Variants in GPC3 observed in about 807,000 individuals in gnomAD.
GPC3 encodes glypican-3.
Under a neutral mutation model 34.4 loss-of-function variants are expected in GPC3, and 3 were observed. The ratio of observed to expected loss-of-function variants is 0.09; its 90% CI spans 0.04 to 0.23. GPC3 has a LOEUF of 0.23. GPC3 is among the 10% of genes least tolerant of loss of function. The pLI is 1.00. For missense variants in GPC3, 351 were observed against 445.6 expected, an observed-to-expected ratio of 0.79 and a Z score of 1.91; for synonymous variants, 177 against 174.0, an observed-to-expected ratio of 1.02 and a Z score of -0.13.
intron 6 of GPC3, among the ~76,000 whole-genome samples, chrX:133,651,054 A>C (rs1603210592): frequency 8.9e-6 from 1 of 112,028 alleles, no homozygotes; most frequent in East Asian, 2.8e-4. Context: ...TCAGTCACAT[A>C]CCAGTGATGC....
chrX:133,862,582 C>T (rs1278774879), intron 2 of GPC3, among the ~76,000 whole-genome samples: 2 of 108,887 alleles, frequency 1.8e-5, no homozygotes, highest in East Asian at 2.9e-4. Context: ...CCCAGCTATT[C>T]GGCAGGCTGA....
At chrX:133,889,585 T>C (rs1044474888) in intron 2 of GPC3, among the ~76,000 whole-genome samples, 2 of 111,711 alleles carry the variant, frequency 1.8e-5, no homozygotes, top group Non-Finnish European at 3.8e-5. Context: ...CATAATCCCA[T>C]ACATTCCCTT....
chrX:133,626,949 A>G (rs1417188819), intron 6 of GPC3, among the ~76,000 whole-genome samples: 2 of 108,755 alleles, frequency 1.8e-5, no homozygotes. Flanking sequence ...GATTAAGAAA[A>G]TGTGGCACAT....
chrX:133,723,065 T>C (rs1326770530), intron 3 of GPC3, among the ~76,000 whole-genome samples: 2 of 97,927 alleles, frequency 2.0e-5, no homozygotes, highest in East Asian at 8.7e-4. Flanking sequence ...CACTTAGAAT[T>C]GACTTCTCTC....
intron 3 of GPC3, among the ~76,000 whole-genome samples, chrX:133,700,392 C>A (rs963227045): frequency 8.9e-6 from 1 of 111,827 alleles, no homozygotes; most frequent in Admixed American, 9.5e-5. Flanking sequence ...AAGGGAATTG[C>A]AAAATTTAGG....
intron 2 of GPC3, among the ~76,000 whole-genome samples, chrX:133,767,750 C>T (rs2071865059): frequency 9.0e-6 from 1 of 110,971 alleles, no homozygotes; most frequent in Non-Finnish European, 1.9e-5. Flanking sequence ...GGGACTCCAG[C>T]CAAATTCAAT....
chrX:133,839,238 C>T (rs1450916317), intron 2 of GPC3, among the ~76,000 whole-genome samples: 2 of 111,786 alleles, frequency 1.8e-5, no homozygotes, highest in South Asian at 3.8e-4. Context: ...TAGTGTTTTT[C>T]ATCTCCTAGC....
At position 133,772,175 on chromosome X, in the gene GPC3, G is replaced by A. The variant is rs12393825; in HGVS notation, c.338-17999C>T. ...ACTAAAGAAAAGTTTGCCTGCCATCGCTCAATGCTTGTTAGAGTAAAACTA... is the reference window on the plus strand; with the variant it reads ...ACTAAAGAAAAGTTTGCCTGCCATCACTCAATGCTTGTTAGAGTAAAACTA... On this transcript the variant is annotated intron_variant, in intron 2 of 7. Coordinates refer to ENST00000370818, the MANE Select transcript of GPC3 (RefSeq NM_004484.4). Among the ~76,000 whole-genome samples, 782 of 111,752 alleles carry A rather than the reference G, an allele frequency of 7.0e-3. 9 individuals carry two copies. Among genetic ancestry groups the A allele is most frequent in the African/African-American group, 0.025 (759 of 30,760 alleles).
intron 2 of GPC3, among the ~76,000 whole-genome samples, chrX:133,950,033 C>G (rs1248010504): frequency 9.0e-6 from 1 of 111,429 alleles, no homozygotes; most frequent in Non-Finnish European, 1.9e-5. Flanking sequence ...TAAATCTTCA[C>G]TATTGTTATC....
intron 2 of GPC3, among the ~76,000 whole-genome samples, chrX:133,819,046 GGTTA>G (rs1199057903): frequency 9.3e-6 from 1 of 107,016 alleles, no homozygotes; most frequent in Admixed American, 1.0e-4. Flanking sequence ...GCAATGTGCA[GGTTA>G]GTTACATATG....
At chrX:133,930,826 C>T (rs890590833) in intron 2 of GPC3, among the ~76,000 whole-genome samples, 3 of 111,352 alleles carry the variant, frequency 2.7e-5, no homozygotes, top group Non-Finnish European at 5.7e-5. Flanking sequence ...TTAGTAGAGA[C>T]GGGGTTTCAC....
intron 6 of GPC3, among the ~76,000 whole-genome samples, chrX:133,655,580 C>G (rs2070654336): frequency 9.0e-6 from 1 of 111,062 alleles, no homozygotes; most frequent in Non-Finnish European, 1.9e-5. Flanking sequence ...TGCCATGTCA[C>G]TTGTGAACAA....
chrX:133,720,980 C>T (rs2071359468), intron 3 of GPC3, among the ~76,000 whole-genome samples: 1 of 109,799 alleles, frequency 9.1e-6, no homozygotes, highest in African/African-American at 3.3e-5. Context: ...CACAAATCAT[C>T]ATTAAAGAAC....
chrX:133,836,987 A>C (rs1447259114), intron 2 of GPC3, among the ~76,000 whole-genome samples: 2 of 111,746 alleles, frequency 1.8e-5, no homozygotes, highest in Non-Finnish European at 3.8e-5. Flanking sequence ...ACAGTGTCTT[A>C]CTCTGCGGGG....
intron 2 of GPC3, among the ~76,000 whole-genome samples, chrX:133,823,449 A>C (rs1414744793): frequency 1.8e-5 from 2 of 111,600 alleles, no homozygotes; most frequent in Non-Finnish European, 3.8e-5. Flanking sequence ...TATCAGAAGG[A>C]AAATCTGAAA....
At chrX:133,575,779 A>T (rs1348308830) in intron 7 of GPC3, among the ~76,000 whole-genome samples, 1 of 112,075 alleles carries the variant, frequency 8.9e-6, no homozygotes, top group Non-Finnish European at 1.9e-5. Context: ...TACAGCACAG[A>T]GGAGTAGACC....
intron 2 of GPC3, among the ~76,000 whole-genome samples, chrX:133,793,951 G>A (rs1293824501): frequency 9.0e-6 from 1 of 111,420 alleles, no homozygotes; most frequent in Non-Finnish European, 1.9e-5. Flanking sequence ...TGATAGTGCC[G>A]GCAAATGTAT....
intron 2 of GPC3, among the ~76,000 whole-genome samples, chrX:133,786,352 A>C (rs2072100972): frequency 8.9e-6 from 1 of 112,321 alleles, no homozygotes; most frequent in African/African-American, 3.2e-5. Context: ...CCGAGATAGC[A>C]CCATTGCACT....
chrX:133,639,700 A>G (rs919292221), intron 6 of GPC3, among the ~76,000 whole-genome samples: 1 of 111,661 alleles, frequency 9.0e-6, no homozygotes, highest in Non-Finnish European at 1.9e-5. Context: ...AAAAAAAATC[A>G]AATCACTGAC....
Sources: gnomAD v4.1 joint callset for allele counts (sites outside exome capture counted in the v4.1 genomes callset) on GRCh38, gnomAD v4.1.1 for gene constraint, MANE v1.5 for transcripts, NCBI Gene and HGNC (gene_info 2026-07-23, HGNC 2026-07-21) for gene names.